Variants in SV2C observed in about 807,000 individuals in gnomAD.
SV2C encodes the protein solute carrier family 22 member B3.
Under a neutral mutation model 79.7 loss-of-function variants are expected in SV2C, and 49 were observed. The observed-to-expected ratio is 0.61, with a 90% confidence interval of 0.49 to 0.78. SV2C has a LOEUF of 0.78. SV2C is among the 30% of genes least tolerant of loss of function. SV2C has a pLI of 0.00. For synonymous variants in SV2C, 334 were observed against 333.2 expected (o/e 1.00, Z -0.03); for missense variants, 833 against 912.9 (o/e 0.91, Z 1.13).
At chr5:76,105,460 C>T (rs769669432) in intron 1 of SV2C, among the ~76,000 whole-genome samples, 15 of 152,262 alleles carry the variant, frequency 9.9e-5, no homozygotes, top group African/African-American at 2.9e-4. Flanking sequence ...GGTTCTCTCT[C>T]GGTCCCTCAA....
At chr5:75,980,130 A>G in the SV2C span, among the ~76,000 whole-genome samples, 8 of 152,284 alleles carry the variant, frequency 5.3e-5, no homozygotes, top group African/African-American at 1.7e-4. Flanking sequence ...AAATGGATAA[A>G]TTCTCGGACA....
chr5:76,273,343 CTCA>C (rs1363728614), intron 4 of SV2C, among the ~76,000 whole-genome samples: 3 of 151,938 alleles, frequency 2.0e-5, no homozygotes, highest in Non-Finnish European at 1.5e-5. Context: ...AACTCTCAGA[CTCA>C]TCATTTCTCT....
intron 6 of SV2C, among the ~76,000 whole-genome samples, chr5:76,288,083 CAAAAAAAAAA>C (rs36124813): frequency 1.2e-5 from 1 of 82,590 alleles, no homozygotes; most frequent in Admixed American, 1.3e-4. Flanking sequence ...GACTCCATCT[CAAAAAAAAAA>C]AAAAAAAAAT....
At chr5:76,166,417 T>C (rs1183813409) in intron 2 of SV2C, among the ~76,000 whole-genome samples, 9 of 152,134 alleles carry the variant, frequency 5.9e-5, no homozygotes, top group African/African-American at 2.2e-4. Context: ...CAAGATCTGA[T>C]TGTAAAGAGA....
intron 4 of SV2C, among the ~76,000 whole-genome samples, chr5:76,275,294 T>C (rs911058368): frequency 6.6e-6 from 1 of 152,162 alleles, no homozygotes; most frequent in African/African-American, 2.4e-5. Context: ...AAGACCATCC[T>C]GGCTAACACG....
the SV2C span, among the ~76,000 whole-genome samples, chr5:75,968,050 C>T: frequency 6.6e-6 from 1 of 152,146 alleles, no homozygotes; most frequent in Non-Finnish European, 1.5e-5. Context: ...CTGCTGATAC[C>T]CAGGCAAACA....
At chr5:76,321,939 T>C (rs989089822) in intron 12 of SV2C, among the ~76,000 whole-genome samples, 2 of 152,176 alleles carry the variant, frequency 1.3e-5, no homozygotes, top group African/African-American at 4.8e-5. Flanking sequence ...TCATATTTTC[T>C]TGGACTTGAT....
At chr5:76,187,716 C>T (rs1198085206) in intron 2 of SV2C, among the ~76,000 whole-genome samples, 1 of 149,760 alleles carries the variant, frequency 6.7e-6, no homozygotes, top group African/African-American at 2.5e-5. Context: ...GTTTTAGAAG[C>T]CTATTAATTA....
intron 3 of SV2C, among the ~76,000 whole-genome samples, chr5:76,197,723 T>TAGATAGATAGATAGATAGATAGAC (rs1313528045): frequency 6.6e-6 from 1 of 151,846 alleles, no homozygotes; most frequent in East Asian, 1.9e-4. Context: ...GATAGATAGA[T>TAGATAGATAGATAGATAGATAGAC]AGATAGATAG....
At chr5:76,210,372 C>G (rs4704297) in intron 4 of SV2C, among the ~76,000 whole-genome samples, 74,759 of 151,972 alleles carry the variant, frequency 0.49, 18,550 homozygotes, top group East Asian at 0.61. Flanking sequence ...CTATACCCCC[C>G]ACCCTCAGGT....
chr5:76,199,486 G>A (rs1744369618), intron 3 of SV2C, among the ~76,000 whole-genome samples: 1 of 152,214 alleles, frequency 6.6e-6, no homozygotes, highest in African/African-American at 2.4e-5. Flanking sequence ...GTGGGTCTCA[G>A]AGAGTTTCCT....
the SV2C span, among the ~76,000 whole-genome samples, chr5:75,906,198 A>G: frequency 3.9e-5 from 6 of 152,096 alleles, no homozygotes; most frequent in Admixed American, 3.9e-4. Context: ...CCAGAGAAAA[A>G]CAATCCTGCT....
At chr5:76,122,925 C>A (rs1748572948) in intron 1 of SV2C, among the ~76,000 whole-genome samples, 1 of 152,058 alleles carries the variant, frequency 6.6e-6, no homozygotes, top group Admixed American at 6.5e-5. Context: ...ATTAATGAAT[C>A]CAGGAGCTGG....
Position 76,132,084 on chromosome 5 carries a change from C to A in SV2C, c.334C>A (p.Pro112Thr). ...GGACAGCATCGTGTCAGTGGGGCAG[C>A]CCAAGGGCGATGAGTACAAGGACCG... ...AKDSIVSVGQPKGDEYKDRRE... is the reference protein window; with the variant it reads ...AKDSIVSVGQTKGDEYKDRRE... Residue 112 changes from proline to threonine, a missense_variant, in exon 2 of 13, where the codon CCC becomes ACC. Transcript: ENST00000502798. 6.2e-7 allele frequency: 1 copy of A among 1,613,008 alleles called. No homozygotes were observed. Among genetic ancestry groups the A allele is most frequent in the Non-Finnish European group, 8.5e-7 (1 of 1,179,362 alleles).
At chr5:75,884,601 T>C in the SV2C span, among the ~76,000 whole-genome samples, 1 of 152,036 alleles carries the variant, frequency 6.6e-6, no homozygotes, top group Non-Finnish European at 1.5e-5. Flanking sequence ...TCTGCAAACT[T>C]AACTAAATGA....
the SV2C span, among the ~76,000 whole-genome samples, chr5:76,006,592 G>A: frequency 5.9e-5 from 9 of 152,088 alleles, no homozygotes; most frequent in Non-Finnish European, 1.3e-4. Flanking sequence ...TCTGACCCCA[G>A]TCTGCCTTCT....
chr5:76,344,380 G>C (rs1749498449), intron 12 of SV2C, among the ~76,000 whole-genome samples: 1 of 152,184 alleles, frequency 6.6e-6, no homozygotes, highest in Non-Finnish European at 1.5e-5. Context: ...ACGAGACTTG[G>C]TGCTTTACAG....
chr5:75,908,717 C>A, the SV2C span, among the ~76,000 whole-genome samples: 3 of 152,216 alleles, frequency 2.0e-5, no homozygotes, highest in Non-Finnish European at 2.9e-5. Flanking sequence ...CTACTCAGCA[C>A]CTTTTGCAAT....
Position 76,265,615 on chromosome 5 carries a change from G to A in SV2C, c.914-19547G>A, listed in dbSNP as rs76227404. ...CAGGGCCGTGGTGGTGTAGGCATACGAAGGAATCCCCTGGTCTGTGGATTG... is the reference window on the plus strand; with the variant it reads ...CAGGGCCGTGGTGGTGTAGGCATACAAAGGAATCCCCTGGTCTGTGGATTG... On this transcript the variant is annotated intron_variant, in intron 4 of 12. Coordinates refer to ENST00000502798, the MANE Select transcript of SV2C (RefSeq NM_014979.4). 6.4e-3 allele frequency among the ~76,000 whole-genome samples: 977 copies of A among 152,340 alleles called. 3 individuals carry two copies. Among genetic ancestry groups the A allele is most frequent in the Middle Eastern group, 0.017 (5 of 294 alleles).
Sources: allele counts gnomAD v4.1 joint callset (sites outside exome capture counted in the v4.1 genomes callset), GRCh38; gene constraint gnomAD v4.1.1; transcripts MANE v1.5; gene names NCBI Gene and HGNC (gene_info 2026-07-23, HGNC 2026-07-21).